SPOCK2: variants seen among roughly 807,000 people sequenced by gnomAD.
The protein encoded by SPOCK2 is SPARC (osteonectin), cwcv and kazal like domains proteoglycan 2, also known as testican-2.
Under a neutral mutation model 60.1 loss-of-function variants are expected in SPOCK2, and 39 were observed. That is an observed-to-expected ratio of 0.65 (90% CI 0.50 to 0.85). The LOEUF is 0.85. Ranked by LOEUF, SPOCK2 falls within the 40% of genes least tolerant of loss-of-function variation. SPOCK2 has a pLI of 0.00. For missense variants in SPOCK2, 523 were observed against 567.4 expected (o/e 0.92, Z 0.80); for synonymous variants, 217 against 231.5 (o/e 0.94, Z 0.57).
Position 72,072,106 on chromosome 10 carries a change from C to T in SPOCK2, c.359+38G>A, listed in dbSNP as rs567557982. On this transcript the variant is annotated intron_variant, in intron 4 of 10. Coordinates refer to ENST00000373109, the MANE Select transcript of SPOCK2 (RefSeq NM_001244950.2). ...CAGTTGAGCCCTTGCTCTTTGAACA[C>T]ACCCCCTCCAGGGCTCCCACCTCCC... The T allele has an allele frequency of 1.8e-5, 26 of 1,439,638 alleles. No homozygotes were observed. The South Asian group carries it at 3.5e-4, about 19-fold the overall frequency. 89.2% of individuals were successfully genotyped at this position (1,439,638 alleles called of 1,614,324 possible).
Position 72,062,595 on chromosome 10 carries a change from C to T in SPOCK2, c.*165G>A, listed in dbSNP as rs937999929. On this transcript the variant is annotated 3_prime_UTR_variant, in exon 11 of 11. Transcript: ENST00000373109. This position sits in a 1 kb window ranked among gnomAD's most constrained non-coding sequence, Gnocchi z 4.3. ...CACATGCACTCACACTGTCACCCGT[C>T]CCAGCCATCTGTGCCACACACATGC... 1.9e-5 allele frequency: 25 copies of T among 1,344,410 alleles called. No individual in the cohort carries two copies. Among genetic ancestry groups the T allele is most frequent in the Non-Finnish European group, 2.5e-5 (25 of 992,994 alleles). The allele number at this position is 1,344,410 out of a possible 1,614,324, so 83.3% of individuals were successfully genotyped here.
rs781334064 is a variant in SPOCK2, at chr10:72,064,181, GCTT to G, written c.985_987del (p.Lys329del). 5.8e-4 allele frequency: 934 copies of G among 1,612,104 alleles called. 10 individuals are homozygous for G. Among genetic ancestry groups the G allele is most frequent in the Admixed American group, 7.7e-4 (46 of 59,896 alleles). On this transcript the variant is annotated inframe_deletion, in exon 9 of 11. Transcript: ENST00000373109. ...AGAGCCTGGTCTGGCCCCTCACCTGGCTTCTTCTTGGCGGCCTCCTGGATCTGG... is the reference window on the plus strand; with the variant it reads ...AGAGCCTGGTCTGGCCCCTCACCTGGCTTCTTGGCGGCCTCCTGGATCTGG...
chr10:72,082,245 G>A (rs1365694788), intron 1 of SPOCK2, among the ~76,000 whole-genome samples: 1 of 152,228 alleles, frequency 6.6e-6, no homozygotes, highest in Non-Finnish European at 1.5e-5. Flanking sequence ...GGCGGTCAGA[G>A]GCTGGCACAC....
chr10:72,067,304 C>T (rs1840583560), intron 7 of SPOCK2, among the ~76,000 whole-genome samples, 184 bp from the exon 8 acceptor site: 2 of 152,204 alleles, frequency 1.3e-5, no homozygotes, highest in African/African-American at 4.8e-5. Context: ...CCACATAGGA[C>T]TATGCCTGAA....
chr10:72,088,192 G>A lies in SPOCK2; in HGVS notation c.137C>T (p.Ser46Leu), dbSNP rs1840889878. The A allele has an allele frequency of 1.2e-6, 2 of 1,613,090 alleles. No homozygotes were observed. The highest frequency in any genetic ancestry group is 1.7e-6 in the Non-Finnish European group (2 of 1,179,720). The change falls in exon 1 of 11, where the codon TCG becomes TTG. Residue 46 changes from serine to leucine, a missense_variant. Ser to Leu is a moderately radical substitution (Grantham distance 145). Transcript: ENST00000373109. The part of the protein sequence containing the change: ...GNFMEDEQWL[S>L]SISQYSGKIK... ...CTTGCCGCTGTACTGCGAGATGGAC[G>A]ACAGCCATTGCTCGTCCTCCATGAA... is the stretch of plus-strand genomic sequence containing the variant.
At chr10:72,073,838 C>T (rs1001803168) in intron 1 of SPOCK2, among the ~76,000 whole-genome samples, 13 of 152,258 alleles carry the variant, frequency 8.5e-5, no homozygotes, top group Non-Finnish European at 1.5e-4. Flanking sequence ...CTGGCTTCCT[C>T]CCTTTCCCCT....
upstream of SPOCK2, chr10:72,088,910 T>G (rs1427793896): frequency 6.6e-6 from 1 of 152,404 alleles, no homozygotes; most frequent in Non-Finnish European, 1.5e-5. Context: ...GGCCAGACAC[T>G]GTTTTTCTCC....
At chr10:72,084,253 G>A (rs919915850) in intron 1 of SPOCK2, among the ~76,000 whole-genome samples, 2 of 152,334 alleles carry the variant, frequency 1.3e-5, no homozygotes, top group Middle Eastern at 3.4e-3. Context: ...ACCTGCCCTG[G>A]AAGCCCTCCA....
rs1418715721 is a variant in SPOCK2, at chr10:72,082,410, G to A, written c.189+5730C>T. Among the ~76,000 whole-genome samples the A allele has an allele frequency of 3.3e-5, 5 of 152,348 alleles. No homozygotes were observed. The East Asian group carries it at 9.6e-4, about 29-fold the overall frequency. ...CTGCAAGGAGACGCGCAGAGACGGG[G>A]TTGTGGACTGCATATCTGTGTCCCC... On this transcript the variant is annotated intron_variant, in intron 1 of 10. Coordinates refer to ENST00000373109, the MANE Select transcript of SPOCK2 (RefSeq NM_001244950.2).
rs780195125 is a variant in SPOCK2 at position 72,072,132 on chromosome 10, C to T, written c.359+12G>A. On this transcript the variant is annotated intron_variant, in intron 4 of 10. Coordinates refer to ENST00000373109, the MANE Select transcript of SPOCK2 (RefSeq NM_001244950.2). ...ACCCCCTCCAGGGCTCCCACCTCCC[C>T]AAACCTCTCACCTGTGCTCCAGCTT... 3 of 1,484,118 alleles carry T rather than the reference C, an allele frequency of 2.0e-6. No homozygotes were observed. Among genetic ancestry groups the T allele is most frequent in the East Asian group, 5.0e-5 (2 of 40,232 alleles). 91.9% of individuals were successfully genotyped at this position (1,484,118 alleles called of 1,614,324 possible). A position where few individuals can be genotyped will look rare whatever the true frequency, so the allele number is the denominator to read the frequency against.
rs1274546600 is a variant in SPOCK2 at position 72,087,873 on chromosome 10, C to A, written c.189+267G>T. Among the ~76,000 whole-genome samples, 1 of 152,050 alleles carries A rather than the reference C, an allele frequency of 6.6e-6. No individual in the cohort carries two copies. The highest frequency in any genetic ancestry group is 1.5e-5 in the Non-Finnish European group (1 of 67,958). ...TCCCACTCCCGGCCCGCAGGGGAGA[C>A]CCCGGAGCGCGCGACCCCGGAGCGT... On this transcript the variant is annotated intron_variant, in intron 1 of 10. Coordinates refer to ENST00000373109, the MANE Select transcript of SPOCK2 (RefSeq NM_001244950.2). This position sits in a 1 kb window ranked among gnomAD's most constrained non-coding sequence, Gnocchi z 4.7.
intron 1 of SPOCK2, among the ~76,000 whole-genome samples, chr10:72,082,137 C>T (rs1041301547): frequency 3.3e-5 from 5 of 152,214 alleles, no homozygotes; most frequent in Admixed American, 3.3e-4. Flanking sequence ...TGCTATGAGG[C>T]AGCATCCAAC....
chr10:72,079,235 T>C (rs1014309821), intron 1 of SPOCK2, among the ~76,000 whole-genome samples: 1 of 152,086 alleles, frequency 6.6e-6, no homozygotes, highest in South Asian at 2.1e-4. Context: ...ACTCCATAAA[T>C]GTTAGCTGAT....
chr10:72,084,993 G>T (rs1205578483), intron 1 of SPOCK2, among the ~76,000 whole-genome samples: 1 of 152,182 alleles, frequency 6.6e-6, no homozygotes, highest in Non-Finnish European at 1.5e-5. Context: ...ACAAAGTAGA[G>T]AAGAGCCAAG....
chr10:72,066,168 A>T (rs1429894895), intron 8 of SPOCK2, among the ~76,000 whole-genome samples: 1 of 152,096 alleles, frequency 6.6e-6, no homozygotes, highest in African/African-American at 2.4e-5. Flanking sequence ...AAGGCTGATG[A>T]CAACGTATGT....
intron 5 of SPOCK2, among the ~76,000 whole-genome samples, chr10:72,069,637 T>C (rs1840618366): frequency 6.6e-6 from 1 of 152,102 alleles, no homozygotes; most frequent in African/African-American, 2.4e-5. Context: ...TTTGTATTTT[T>C]TGTAGAGACA....
At chr10:72,072,397 G>A (rs540602252) in intron 3 of SPOCK2, 106 bp downstream of exon 3, 192 of 1,547,884 alleles carry the variant, frequency 1.2e-4, no homozygotes, top group Middle Eastern at 4.0e-4. Context: ...CATCCCCACC[G>A]GGGCCTGGCT....
At chr10:72,063,949 G>A (rs1301449587) in intron 9 of SPOCK2, among the ~76,000 whole-genome samples, 1 of 152,226 alleles carries the variant, frequency 6.6e-6, no homozygotes, top group Non-Finnish European at 1.5e-5. Context: ...AGCATGGATG[G>A]GCATAAAATT....
chr10:72,071,152 T>G lies in SPOCK2; in HGVS notation c.360-726A>C, dbSNP rs546796692. ...CTTGGAGCCAGGCAGAGCCTTGTCC[T>G]TGGGCTGGAGCTAAGACTTCCTTTT... On this transcript the variant is annotated intron_variant, in intron 4 of 10. Transcript: ENST00000373109. Among the ~76,000 whole-genome samples, 3 of 152,186 alleles carry G rather than the reference T, an allele frequency of 2.0e-5. No homozygotes were observed. The East Asian group carries it at 5.8e-4, about 29-fold the overall frequency.
Sources: allele counts gnomAD v4.1 joint callset (sites outside exome capture counted in the v4.1 genomes callset), GRCh38; gene constraint gnomAD v4.1.1; non-coding constraint Gnocchi (gnomAD v3.1); transcripts MANE v1.5; gene names NCBI Gene and HGNC (gene_info 2026-07-23, HGNC 2026-07-21).